MASP1: variants seen among roughly 807,000 people sequenced by gnomAD.
The protein encoded by MASP1 is mannan-binding lectin serine protease 1.
Under a neutral mutation model 77.1 loss-of-function variants are expected in MASP1, and 59 were observed. The ratio of observed to expected loss-of-function variants is 0.77; its 90% CI spans 0.62 to 0.95. The LOEUF is 0.95. Ranked by LOEUF, MASP1 falls within the 40% of genes least tolerant of loss-of-function variation. The pLI is 0.00. For synonymous variants in MASP1, 362 were observed against 354.5 expected (o/e 1.02, Z -0.24); for missense variants, 885 against 912.9 (o/e 0.97, Z 0.39).
chr3:187,275,929 T>C (rs1456287938), intron 2 of MASP1, among the ~76,000 whole-genome samples: 1 of 152,164 alleles, frequency 6.6e-6, no homozygotes, highest in Admixed American at 6.5e-5. Context: ...TGCCATTGGC[T>C]GGCAGCATTT....
chr3:187,235,230 C>A lies in MASP1; in HGVS notation c.*454G>T. On this transcript the variant is annotated 3_prime_UTR_variant, in exon 11 of 11. Transcript: ENST00000296280. ...CCAAGGCTAGTCCCAGAAGGCAGAG[C>A]AGGAAAATATACAGATGCGGCATTC... 1 of 1,289,796 alleles carries A rather than the reference C, an allele frequency of 7.8e-7. No homozygotes were observed. Among genetic ancestry groups the A allele is most frequent in the Non-Finnish European group, 1.0e-6 (1 of 990,538 alleles). The allele number at this position is 1,289,796 out of a possible 1,614,324, so 79.9% of individuals were successfully genotyped here.
intron 2 of MASP1, among the ~76,000 whole-genome samples, chr3:187,271,856 T>G (rs1365899281): frequency 6.6e-6 from 1 of 152,174 alleles, no homozygotes; most frequent in Non-Finnish European, 1.5e-5. Flanking sequence ...TCACAGAACA[T>G]GGCGTGGGAA....
At chr3:187,239,242 A>G (rs1713428674) in intron 10 of MASP1, among the ~76,000 whole-genome samples, 1 of 151,552 alleles carries the variant, frequency 6.6e-6, no homozygotes, top group Non-Finnish European at 1.5e-5. Context: ...AATCCCAACT[A>G]CTCGAGAGGC....
intron 7 of MASP1, among the ~76,000 whole-genome samples, chr3:187,250,635 G>A (rs1447608973): frequency 3.3e-5 from 5 of 152,162 alleles, no homozygotes; most frequent in South Asian, 2.1e-4. Flanking sequence ...CAGGGCAAGC[G>A]GTCAGCATCT....
intron 14 of MASP1, among the ~76,000 whole-genome samples, chr3:187,222,915 TTAGAGGC>T (rs1481199497): frequency 1.3e-5 from 2 of 152,132 alleles, no homozygotes; most frequent in Non-Finnish European, 2.9e-5. Context: ...TTAACCGTGT[TTAGAGGC>T]TAGAGTCCAT....
Position 187,236,280 on chromosome 3 carries a change from C to A in MASP1, c.1591G>T (p.Ala531Ser). The change falls in exon 11 of 11, where the codon GCA becomes TCA. Residue 531 changes from alanine (A) to serine (S), a missense_variant. Coordinates refer to ENST00000296280, the MANE Select transcript of MASP1 (RefSeq NM_139125.4). ...GLHDVRDKSG[A>S]VNSSAARVVL... ...ACTCGGGCAGCTGAGCTGTTGACTGCCCCCGATTTGTCTCGCACATCATGC... is the reference window on the plus strand; with the variant it reads ...ACTCGGGCAGCTGAGCTGTTGACTGACCCCGATTTGTCTCGCACATCATGC... 1 of 1,614,218 alleles carries A rather than the reference C, an allele frequency of 6.2e-7. No homozygotes were observed. Among genetic ancestry groups the A allele is most frequent in the South Asian group, 1.1e-5 (1 of 91,088 alleles).
At chr3:187,244,262 AT>A (rs1713901651) in intron 8 of MASP1, 1 of 158,558 alleles carries the variant, frequency 6.3e-6, no homozygotes, top group Admixed American at 5.9e-5. Context: ...ATAATTGTTG[AT>A]GGCCGCATGT....
intron 13 of MASP1, among the ~76,000 whole-genome samples, chr3:187,223,919 C>T (rs1409873271): frequency 1.3e-5 from 2 of 152,164 alleles, no homozygotes; most frequent in Admixed American, 6.5e-5. Context: ...TTAGTTTTCT[C>T]GTTTGTAAAT....
exon 16 of MASP1, chr3:187,219,249 G>A (rs3864095): frequency 0.12 from 18,419 of 152,104 alleles, 1,968 homozygotes; most frequent in African/African-American, 0.27. Context: ...ATCTTAGATC[G>A]TCAGAGCTTT....
intron 1 of MASP1, among the ~76,000 whole-genome samples, chr3:187,291,015 C>A (rs897274486): frequency 1.3e-5 from 2 of 151,508 alleles, no homozygotes; most frequent in Non-Finnish European, 2.9e-5. Flanking sequence ...TCTTTAAGAG[C>A]CATTTGGTGT....
At chr3:187,264,801 TA>T (rs891230718) in intron 2 of MASP1, among the ~76,000 whole-genome samples, 3 of 152,038 alleles carry the variant, frequency 2.0e-5, no homozygotes, top group Admixed American at 6.5e-5. Flanking sequence ...TAGAACTTAA[TA>T]AAAAAAAGCT....
chr3:187,229,712 G>A (rs760251840), downstream of MASP1: 4 of 1,609,108 alleles, frequency 2.5e-6, no homozygotes, highest in Non-Finnish European at 3.4e-6. Flanking sequence ...CAGTCTCCAA[G>A]GAGGGGGTTC....
chr3:187,251,387 A>T, intron 7 of MASP1: 1 of 500,510 alleles, frequency 2.0e-6, no homozygotes, highest in Non-Finnish European at 3.6e-6. Flanking sequence ...ATATTTTAAA[A>T]ATTCAAACCA....
chr3:187,254,205 C>T (rs938013278), intron 5 of MASP1, among the ~76,000 whole-genome samples: 1 of 152,042 alleles, frequency 6.6e-6, no homozygotes. Flanking sequence ...TATGCATATA[C>T]AAAAGAAATA....
chr3:187,274,389 A>G (rs1001010112), intron 2 of MASP1, among the ~76,000 whole-genome samples: 1 of 152,178 alleles, frequency 6.6e-6, no homozygotes, highest in African/African-American at 2.4e-5. Flanking sequence ...CCCCAAGTCC[A>G]CATAGCCTAC....
intron 1 of MASP1, among the ~76,000 whole-genome samples, chr3:187,290,986 T>C (rs1718275263): frequency 6.6e-6 from 1 of 152,264 alleles, no homozygotes; most frequent in South Asian, 2.1e-4. Flanking sequence ...ATCCTTTTTT[T>C]TTTTTTAAGT....
At chr3:187,281,396 G>A (rs967763266) in intron 2 of MASP1, among the ~76,000 whole-genome samples, 28 of 152,204 alleles carry the variant, frequency 1.8e-4, no homozygotes, top group Non-Finnish European at 3.8e-4. Flanking sequence ...CCTGTGAGTT[G>A]GAAGGTTTCT....
chr3:187,242,108 C>T lies in MASP1; in HGVS notation c.1229-553G>A, dbSNP rs545130723. On this transcript the variant is annotated intron_variant, in intron 9 of 10. Transcript: ENST00000296280. ...GCTCCCTGTTGCACAGATGCCCTTT[C>T]CTTTCTTCTCCATTTGACAGACTCT... 55 of 155,676 alleles carry T rather than the reference C, an allele frequency of 3.5e-4. 1 individual carries two copies. The South Asian group carries it at 8.1e-3, about 23-fold the overall frequency. 9.6% of individuals were successfully genotyped at this position (155,676 alleles called of 1,614,324 possible).
rs574523718 is a variant in MASP1, at chr3:187,250,419, A to G, written c.1012-90T>C. On this transcript the variant is annotated intron_variant, in intron 7 of 10. Transcript: ENST00000296280. ...CTAGCAAAACCAACTCAAGCTCCACACGTGTCTTGATCTCGACTGAGATTT... is the reference window on the plus strand; with the variant it reads ...CTAGCAAAACCAACTCAAGCTCCACGCGTGTCTTGATCTCGACTGAGATTT... 1.2e-5 allele frequency: 11 copies of G among 914,424 alleles called. No homozygotes were observed. The African/African-American group carries it at 1.6e-4, about 13-fold the overall frequency. 56.6% of individuals were successfully genotyped at this position (914,424 alleles called of 1,614,324 possible).
Sources: allele counts gnomAD v4.1 joint callset (sites outside exome capture counted in the v4.1 genomes callset), GRCh38; gene constraint gnomAD v4.1.1; transcripts MANE v1.5; gene names NCBI Gene and HGNC (gene_info 2026-07-23, HGNC 2026-07-21).